ANK3: variants seen among roughly 807,000 people sequenced by gnomAD.
The protein encoded by ANK3 is ankyrin-3.
In ANK3, 57 loss-of-function variants were observed where a neutral mutation model predicts 370.9. That is an observed-to-expected ratio of 0.15 (90% CI 0.12 to 0.19). ANK3 has a LOEUF of 0.19. Ranked by LOEUF, ANK3 falls within the 10% of genes least tolerant of loss-of-function variation. ANK3 has a pLI of 1.00. For synonymous variants in ANK3, 1,929 were observed against 1,946.3 expected (o/e 0.99, Z 0.23); for missense variants, 4,439 against 5,302.1 (o/e 0.84, Z 5.06).
chr10:60,525,699 T>C (rs2076452592), intron 2 of ANK3, among the ~76,000 whole-genome samples: 3 of 152,152 alleles, frequency 2.0e-5, no homozygotes. Context: ...ATTTTGGTCC[T>C]ATCTGTTCAA....
At chr10:60,096,500 C>T (rs905602000) in intron 28 of ANK3, among the ~76,000 whole-genome samples, 7 of 152,178 alleles carry the variant, frequency 4.6e-5, no homozygotes, top group Non-Finnish European at 8.8e-5. Flanking sequence ...GTCCTCCAAC[C>T]TGGCCAGTTC....
At chr10:60,386,826 T>C (rs957644032) in intron 1 of ANK3, among the ~76,000 whole-genome samples, 10 of 152,182 alleles carry the variant, frequency 6.6e-5, no homozygotes, top group Non-Finnish European at 1.3e-4. Context: ...TTTAGGATTT[T>C]CCCAAGCTTT....
chr10:60,330,914 C>A (rs981542274), intron 1 of ANK3, among the ~76,000 whole-genome samples: 6 of 152,128 alleles, frequency 3.9e-5, no homozygotes, highest in African/African-American at 7.2e-5. Context: ...GGCACATATA[C>A]CCCATGGAAT....
intron 7 of ANK3, among the ~76,000 whole-genome samples, chr10:60,244,827 G>A (rs2097528520): frequency 6.6e-6 from 1 of 152,166 alleles, no homozygotes; most frequent in Non-Finnish European, 1.5e-5. Context: ...TAACTCTCCA[G>A]CACATAAAAG....
In ANK3 at chr10:60,069,814, G is replaced by A. The variant is rs141012790; in HGVS notation, c.11067C>T (p.Ser3689=). ...TGGATGTGCCTTCCTGACACTCTCC[G>A]CTGGTCGGGATGCTGGGGTTAGGTT... ...TVEPNPSIPT[S]GECQEGTSSS... The change falls in exon 37 of 44, where the codon AGC becomes AGT. Residue 3689 remains serine, a synonymous_variant. Coordinates refer to ENST00000280772, the MANE Select transcript of ANK3 (RefSeq NM_020987.5). The A allele has an allele frequency of 3.1e-6, 5 of 1,614,072 alleles. No individual in the cohort carries two copies. The highest frequency in any genetic ancestry group is 1.7e-4 in the Middle Eastern group (1 of 6,058).
At chr10:60,538,103 T>A (rs1474957226) in intron 2 of ANK3, among the ~76,000 whole-genome samples, 1 of 151,934 alleles carries the variant, frequency 6.6e-6, no homozygotes, top group Non-Finnish European at 1.5e-5. Context: ...TCCATATCCA[T>A]GGGGCCGCCA....
intron 2 of ANK3, among the ~76,000 whole-genome samples, chr10:60,450,041 T>C (rs2064556475): frequency 6.6e-6 from 1 of 152,174 alleles, no homozygotes; most frequent in South Asian, 2.1e-4. Context: ...CTCATGCTTA[T>C]AATCCTAGAC....
intron 2 of ANK3, among the ~76,000 whole-genome samples, chr10:60,525,232 GAA>G (rs1451941093): frequency 5.3e-5 from 8 of 151,950 alleles, no homozygotes; most frequent in African/African-American, 1.4e-4. Context: ...CATCCATCTT[GAA>G]AAGAGACAGG....
At chr10:60,503,955 G>T (rs182131321) in intron 2 of ANK3, among the ~76,000 whole-genome samples, 180 of 152,204 alleles carry the variant, frequency 1.2e-3, no homozygotes, top group Admixed American at 8.9e-3. Flanking sequence ...TTTCCAGAAA[G>T]ACCAAAAAGA....
At chr10:60,047,604 T>C (rs1053521540) in intron 42 of ANK3, among the ~76,000 whole-genome samples, 3 of 152,228 alleles carry the variant, frequency 2.0e-5, no homozygotes, top group Non-Finnish European at 4.4e-5. Flanking sequence ...GAACTTACCA[T>C]ACGTTTGAAC....
At chr10:60,520,525 G>T (rs2076324736) in intron 2 of ANK3, among the ~76,000 whole-genome samples, 1 of 152,108 alleles carries the variant, frequency 6.6e-6, no homozygotes, top group Admixed American at 6.6e-5. Flanking sequence ...ACATTTCAAA[G>T]GATTAAAATA....
At chr10:60,545,966 T>C (rs1479933595) in intron 2 of ANK3, among the ~76,000 whole-genome samples, 1 of 152,238 alleles carries the variant, frequency 6.6e-6, no homozygotes, top group East Asian at 1.9e-4. Flanking sequence ...ATTTTTGCCA[T>C]GTCTTCCAGA....
In ANK3 at chr10:60,239,709, T is replaced by C. The variant is rs560948970; in HGVS notation, c.799-4923A>G. Among the ~76,000 whole-genome samples, 87 of 150,282 alleles carry C rather than the reference T, an allele frequency of 5.8e-4. 3 individuals are homozygous for C. The South Asian group carries it at 0.018, about 31-fold the overall frequency. On this transcript the variant is annotated intron_variant, in intron 7 of 43. Transcript: ENST00000280772. ...CTCTGGAAATGGCAAAAAATGAAGG[T>C]AAGTAAAAGAGATAACGGATGGTCC...
At chr10:60,600,106 T>C (rs1220315762) in intron 2 of ANK3, among the ~76,000 whole-genome samples, 1 of 152,168 alleles carries the variant, frequency 6.6e-6, no homozygotes, top group African/African-American at 2.4e-5. Flanking sequence ...ATTATATAGG[T>C]AGCAAACAAT....
chr10:60,470,929 A>G (rs1390957228), intron 2 of ANK3, among the ~76,000 whole-genome samples: 3 of 152,102 alleles, frequency 2.0e-5, no homozygotes, highest in Admixed American at 2.0e-4. Context: ...CCTTTTTCTC[A>G]TATTTTTCCC....
At chr10:60,444,641 C>T (rs1471947721) in intron 2 of ANK3, among the ~76,000 whole-genome samples, 1 of 152,038 alleles carries the variant, frequency 6.6e-6, no homozygotes, top group Non-Finnish European at 1.5e-5. Context: ...GGAATTTTAA[C>T]TGAATTTCAT....
intron 2 of ANK3, among the ~76,000 whole-genome samples, chr10:60,562,164 G>A (rs894829417): frequency 9.2e-5 from 14 of 152,128 alleles, no homozygotes; most frequent in African/African-American, 3.4e-4. Flanking sequence ...CATATCTCAT[G>A]GAATATATAA....
chr10:60,433,897 C>T (rs529844688), intron 2 of ANK3, among the ~76,000 whole-genome samples: 16 of 152,290 alleles, frequency 1.1e-4, no homozygotes, highest in African/African-American at 3.8e-4. Context: ...GCATGGCCTG[C>T]AGAATAACTC....
At chr10:60,599,625 A>G (rs992059768) in intron 2 of ANK3, among the ~76,000 whole-genome samples, 6 of 152,110 alleles carry the variant, frequency 3.9e-5, no homozygotes, top group Non-Finnish European at 8.8e-5. Context: ...CCCTAGTACA[A>G]CCCATCATCT....
Sources: gnomAD v4.1 joint callset for allele counts (sites outside exome capture counted in the v4.1 genomes callset) on GRCh38, gnomAD v4.1.1 for gene constraint, MANE v1.5 for transcripts, NCBI Gene and HGNC (gene_info 2026-07-23, HGNC 2026-07-21) for gene names.